Variants in ABLIM2 observed in about 807,000 individuals in gnomAD.
The protein encoded by ABLIM2 is actin binding LIM protein family member 2.
A neutral mutation model predicts 97.7 loss-of-function variants in ABLIM2; 53 were observed. The ratio of observed to expected loss-of-function variants is 0.54; its 90% confidence interval spans 0.44 to 0.68. The LOEUF (loss-of-function observed/expected upper bound fraction) is 0.68, where lower values mean the gene tolerates loss of function less well. Among genes scored for constraint, ABLIM2 ranks in the 30% least tolerant of loss-of-function variants. ABLIM2 has a pLI of 0.00. For missense variants in ABLIM2, 835 were observed against 867.2 expected (o/e 0.96, Z 0.47); for synonymous variants, 361 against 345.8 (o/e 1.04, Z -0.49).
rs769079206 is a variant in ABLIM2, at chr4:8,106,609, C to A, written c.39G>T (p.Pro13=). The A allele has an allele frequency of 2.5e-6, 4 of 1,611,720 alleles. No homozygotes were observed. In the South Asian group the frequency reaches 3.3e-5, roughly 13 times the overall value. Residue 13 remains proline, a synonymous_variant, in exon 2 of 21, where the codon CCG becomes CCT. Coordinates refer to ENST00000447017, the MANE Select transcript of ABLIM2 (RefSeq NM_001130083.2). ...AVSQPQAAPS[P]LEKSPSTAIL... is the part of the protein sequence containing the mutation. The stretch of plus-strand genomic sequence containing the variant: ...TCGCCGTGCTGGGCGACTTCTCCAG[C>A]GGGCTGGGAGCAGCCTGGGGCTGCG...
chr4:7,986,007 C>T lies in ABLIM2; in HGVS notation c.1681-1114G>A, dbSNP rs1368737824. 5.3e-5 allele frequency among the ~76,000 whole-genome samples: 8 copies of T among 152,228 alleles called. No individual in the cohort carries two copies. The highest frequency in any genetic ancestry group is 1.2e-4 in the Non-Finnish European group (8 of 68,048). On this transcript the variant is annotated intron_variant, in intron 17 of 20. Transcript: ENST00000447017. This position sits in a 1 kb window ranked among gnomAD's most constrained non-coding sequence, Gnocchi z 4.3. ...CGCACTATGAGCCCTGAGCCATGCT[C>T]TGTTGCGGTTGTGCCTTGGCTGCCC...
chr4:8,117,057 G>A (rs1449594067), intron 1 of ABLIM2, among the ~76,000 whole-genome samples: 1 of 152,208 alleles, frequency 6.6e-6, no homozygotes, highest in Non-Finnish European at 1.5e-5. Context: ...AGACAGTAAA[G>A]TCACTTTCTC....
intron 1 of ABLIM2, among the ~76,000 whole-genome samples, chr4:8,126,893 C>T (rs1848213600): frequency 6.6e-6 from 1 of 151,982 alleles, no homozygotes; most frequent in South Asian, 2.1e-4. Context: ...AAGTGAGACC[C>T]CGTCTCTACT....
chr4:8,152,829 A>G lies in ABLIM2; in HGVS notation c.10+5851T>C, dbSNP rs561901717. Among the ~76,000 whole-genome samples the G allele has an allele frequency of 7.2e-5, 11 of 152,280 alleles. No individual in the cohort carries two copies. The East Asian group carries it at 1.2e-3, about 16-fold the overall frequency. On this transcript the variant is annotated intron_variant, in intron 1 of 20. Coordinates refer to ENST00000447017, the MANE Select transcript of ABLIM2 (RefSeq NM_001130083.2). ...GACTGGTCAGCTCATGAGACCCTCA[A>G]TCCCTACCAAGACTCTGGGGAGGGG...
intron 3 of ABLIM2, among the ~76,000 whole-genome samples, chr4:8,089,701 T>TC (rs1826001899): frequency 8.4e-6 from 1 of 119,548 alleles, no homozygotes; most frequent in Non-Finnish European, 1.6e-5. Context: ...ACCACTGCAC[T>TC]CCAGGCTGGG....
chr4:8,089,994 AC>A (rs931067861), intron 3 of ABLIM2, among the ~76,000 whole-genome samples: 2 of 152,088 alleles, frequency 1.3e-5, no homozygotes, highest in Non-Finnish European at 2.9e-5. Context: ...CTGCCAGAGC[AC>A]CCACCTGTGG....
At chr4:8,052,899 G>A (rs897207243) in intron 8 of ABLIM2, among the ~76,000 whole-genome samples, 7 of 152,222 alleles carry the variant, frequency 4.6e-5, no homozygotes, top group Admixed American at 3.3e-4. Flanking sequence ...AATGGATGAG[G>A]TCTACGGGAT....
chr4:7,969,121 G>A (rs1001000713), intron 20 of ABLIM2, among the ~76,000 whole-genome samples: 1 of 151,720 alleles, frequency 6.6e-6, no homozygotes, highest in African/African-American at 2.4e-5. Context: ...GACAGAGTAA[G>A]ACTCCATCTC....
Position 8,147,524 on chromosome 4 carries a change from T to G in ABLIM2, c.10+11156A>C, listed in dbSNP as rs533847294. Among the ~76,000 whole-genome samples the G allele has an allele frequency of 2.6e-5, 4 of 152,186 alleles. No homozygotes were observed. Among genetic ancestry groups the G allele is most frequent in the African/African-American group, 9.6e-5 (4 of 41,510 alleles). ...CTGGATGCTATGGGCGGGCTCTGAG[T>G]GCAATCTCAAGAGTCCTTATGGGGA... On this transcript the variant is annotated intron_variant, in intron 1 of 20. Transcript: ENST00000447017. The surrounding 1 kb of genome is among the most constrained non-coding windows in gnomAD (Gnocchi z 5.3).
Position 8,120,268 on chromosome 4 carries a change from T to G in ABLIM2, c.11-13631A>C, listed in dbSNP as rs566868830. On this transcript the variant is annotated intron_variant, in intron 1 of 20. Transcript: ENST00000447017. This position sits in a 1 kb window ranked among gnomAD's most constrained non-coding sequence, Gnocchi z 5.6. Reference sequence around the variant, plus strand: ...AACCGGGACCCCCAGATGCCCACGTTGAAGTCCTAACCCCCGGACCTCGGC... The same window carrying G: ...AACCGGGACCCCCAGATGCCCACGTGGAAGTCCTAACCCCCGGACCTCGGC... Among the ~76,000 whole-genome samples the G allele has an allele frequency of 2.6e-5, 4 of 152,226 alleles. No individual in the cohort carries two copies. The South Asian group carries it at 8.3e-4, about 32-fold the overall frequency.
In ABLIM2 at chr4:8,132,812, G is replaced by A. The variant is rs113547237; in HGVS notation, c.10+25868C>T. On this transcript the variant is annotated intron_variant, in intron 1 of 20. Transcript: ENST00000447017. This position sits in a 1 kb window ranked among gnomAD's most constrained non-coding sequence, Gnocchi z 8.0. ...GGGATACCACGGACTGGGCTGCAGG[G>A]AGACTAAATGAGATGATGCCTCTGA... Among the ~76,000 whole-genome samples, 101 of 152,292 alleles carry A rather than the reference G, an allele frequency of 6.6e-4. No individual in the cohort carries two copies. The highest frequency in any genetic ancestry group is 2.3e-3 in the African/African-American group (95 of 41,562).
rs1055590532 is a variant in ABLIM2 at position 8,120,803 on chromosome 4, G to A, written c.11-14166C>T. Among the ~76,000 whole-genome samples the A allele has an allele frequency of 7.9e-5, 12 of 152,156 alleles. No individual in the cohort carries two copies. Among genetic ancestry groups the A allele is most frequent in the Admixed American group, 6.5e-4 (10 of 15,280 alleles). ...CTAGCGACCATCACAGCTCAGCCCA[G>A]CCTACCGGAAACATGCTCAGAACAC... On this transcript the variant is annotated intron_variant, in intron 1 of 20. Coordinates refer to ENST00000447017, the MANE Select transcript of ABLIM2 (RefSeq NM_001130083.2). The surrounding 1 kb of genome is among the most constrained non-coding windows in gnomAD (Gnocchi z 5.6).
rs1197497145 is a variant in ABLIM2 at position 8,113,864 on chromosome 4, AC to A, written c.11-7228del. 2.0e-5 allele frequency among the ~76,000 whole-genome samples: 3 copies of A among 152,084 alleles called. No individual in the cohort carries two copies. Among genetic ancestry groups the A allele is most frequent in the African/African-American group, 7.2e-5 (3 of 41,408 alleles). On this transcript the variant is annotated intron_variant, in intron 1 of 20. Coordinates refer to ENST00000447017, the MANE Select transcript of ABLIM2 (RefSeq NM_001130083.2). The surrounding 1 kb of genome is among the most constrained non-coding windows in gnomAD (Gnocchi z 4.5). Reference sequence around the variant, plus strand: ...CACACAGTTCCAGCTTCCCTTTCACACCTTTCCTTCTGACCATGGCAACGAG... The same window carrying A: ...CACACAGTTCCAGCTTCCCTTTCACACTTTCCTTCTGACCATGGCAACGAG...
In ABLIM2 at chr4:8,054,218, T is replaced by C; in HGVS notation, c.792A>G (p.Arg264=). 2 of 1,614,038 alleles carry C rather than the reference T, an allele frequency of 1.2e-6. No homozygotes were observed. The highest frequency in any genetic ancestry group is 1.7e-6 in the Non-Finnish European group (2 of 1,179,890). Reference sequence around the variant, plus strand: ...TTCTGTCTTCAGTTCTGGCTGCTTGTCGACACGCCGGATGCCAGATGGAGG... The same window carrying C: ...TTCTGTCTTCAGTTCTGGCTGCTTGCCGACACGCCGGATGCCAGATGGAGG... ...QGSSIWHPAC[R]QAARTEDRNK... is the part of the protein sequence containing the mutation. Residue 264 remains arginine (R), a synonymous_variant, in exon 8 of 21, where the codon CGA becomes CGG. Transcript: ENST00000447017. The surrounding 1 kb of genome is among the most constrained non-coding windows in gnomAD (Gnocchi z 4.9).
chr4:8,018,426 G>A (rs1188316223), intron 14 of ABLIM2, among the ~76,000 whole-genome samples: 1 of 152,160 alleles, frequency 6.6e-6, no homozygotes, highest in Admixed American at 6.5e-5. Flanking sequence ...CAATTTCTAA[G>A]GGCCCTAGAG....
chr4:8,099,733 T>C (rs183191784), intron 2 of ABLIM2, among the ~76,000 whole-genome samples: 7 of 152,050 alleles, frequency 4.6e-5, no homozygotes, highest in African/African-American at 1.5e-4. Flanking sequence ...TAGTCCTGGC[T>C]ACTCGGGAGG....
chr4:8,055,211 A>C (rs1457464791), intron 7 of ABLIM2, among the ~76,000 whole-genome samples: 2 of 152,196 alleles, frequency 1.3e-5, no homozygotes, highest in Non-Finnish European at 2.9e-5. Context: ...CTTCTTGTGC[A>C]TGGGGGACTC....
chr4:8,108,965 G>A (rs1214818163), intron 1 of ABLIM2, among the ~76,000 whole-genome samples: 2 of 152,262 alleles, frequency 1.3e-5, no homozygotes, highest in African/African-American at 2.4e-5. Flanking sequence ...CCAGAGCGAG[G>A]AGTGGGAAAG....
chr4:7,972,611 C>T (rs1006658116), intron 20 of ABLIM2, among the ~76,000 whole-genome samples: 1 of 152,232 alleles, frequency 6.6e-6, no homozygotes, highest in East Asian at 1.9e-4. Context: ...TGCTGCCTCC[C>T]AACACCTCCA....
Sources: allele counts gnomAD v4.1 joint callset (sites outside exome capture counted in the v4.1 genomes callset), GRCh38; gene constraint gnomAD v4.1.1; non-coding constraint Gnocchi (gnomAD v3.1); transcripts MANE v1.5; gene names NCBI Gene and HGNC (gene_info 2026-07-23, HGNC 2026-07-21).